AGMAT: variants seen among roughly 807,000 people sequenced by gnomAD.
The protein encoded by AGMAT is guanidino acid hydrolase, mitochondrial.
In AGMAT, 37 loss-of-function variants were observed where a neutral mutation model predicts 29.3. The observed-to-expected ratio is 1.26, with a 90% CI of 0.97 to 1.66. AGMAT has a LOEUF of 1.66. AGMAT is among the 40% of genes most tolerant of loss of function. The pLI, the probability that AGMAT is intolerant of heterozygous loss-of-function variation, is 0.00. For synonymous variants in AGMAT, 199 were observed against 200.8 expected (o/e 0.99, Z 0.08); for missense variants, 498 against 497.8 (o/e 1.00, Z 0.00).
In AGMAT at chr1:15,574,070, C is replaced by T. The variant is rs139938932; in HGVS notation, c.986-346G>A. Among the ~76,000 whole-genome samples, 175 of 152,220 alleles carry T rather than the reference C, an allele frequency of 1.1e-3. No homozygotes were observed. The Middle Eastern group carries it at 0.014, about 12-fold the overall frequency. ...GTCTACATTAAAATTATTGGGATGG[C>T]GTCTGCTTTGAAGATCTTAACCAGC... On this transcript the variant is annotated intron_variant, in intron 6 of 6. Transcript: ENST00000375826.
At chr1:15,576,301 C>G (rs534326946) in intron 5 of AGMAT, among the ~76,000 whole-genome samples, 1 of 151,794 alleles carries the variant, frequency 6.6e-6, no homozygotes, top group East Asian at 1.9e-4. Context: ...GGGGTTTCTC[C>G]ATGTTAGGCT....
intron 5 of AGMAT, chr1:15,576,115 G>A (rs1553150140): frequency 6.6e-6 from 1 of 152,048 alleles, no homozygotes; most frequent in Non-Finnish European, 1.5e-5. Flanking sequence ...GTTTTTGTTT[G>A]TTTTGAGATG....
chr1:15,583,167 C>T, intron 2 of AGMAT, 26 bp downstream of exon 2: 1 of 1,611,530 alleles, frequency 6.2e-7, no homozygotes. Flanking sequence ...CAGGGAACTA[C>T]TCTGGCTCTT....
intron 1 of AGMAT, among the ~76,000 whole-genome samples, chr1:15,584,058 G>T (rs74054785): frequency 0.15 from 22,951 of 152,186 alleles, 2,693 homozygotes; most frequent in African/African-American, 0.33. Flanking sequence ...TGTAAGCTGG[G>T]GAGAGGAGAG....
intron 5 of AGMAT, 172 bp from the exon 6 acceptor site, chr1:15,575,013 C>T (rs910225360): frequency 2.3e-5 from 13 of 556,756 alleles, no homozygotes; most frequent in Non-Finnish European, 3.3e-5. Context: ...ACAGATAATG[C>T]GTACACAGTC....
Position 15,583,373 on chromosome 1 carries a change from C to A in AGMAT, c.295G>T (p.Glu99Ter). The stretch of plus-strand genomic sequence containing the variant: ...ACTGTCCCAAGCATCACTGATTCTT[C>A]CCGGATGCGGCGAGGTCCGAATCTG... ...GARFGPRRIR[E>*]ESVMLGTVNP... The change falls in exon 2 of 7, where the codon GAA (glutamate) becomes TAA (stop). Residue 99 changes from glutamate (E) to a stop codon, truncating the protein, a stop_gained. Transcript: ENST00000375826. LOFTEE classifies it high-confidence loss of function. The A allele has an allele frequency of 6.2e-7, 1 of 1,613,912 alleles. No homozygotes were observed.
At chr1:15,576,740 C>CTTTTT (rs59203066) in intron 5 of AGMAT, among the ~76,000 whole-genome samples, 381 of 35,776 alleles carry the variant, frequency 0.011, 78 homozygotes, top group Non-Finnish European at 0.014. Context: ...GTTTAGTGTT[C>CTTTTT]TTTTTTTTTT....
chr1:15,573,806 C>T, intron 6 of AGMAT, 82 bp from the exon 7 acceptor site: 1 of 1,228,492 alleles, frequency 8.1e-7, no homozygotes, highest in Non-Finnish European at 1.2e-6. Flanking sequence ...CTTTCTCTTC[C>T]CCTTGTGCCT....
chr1:15,580,977 A>AAAAAT (rs560258515), intron 2 of AGMAT, among the ~76,000 whole-genome samples: 1,716 of 152,186 alleles, frequency 0.011, 36 homozygotes, highest in African/African-American at 0.038. Context: ...CTCCATCTCA[A>AAAAAT]AAAATAAAAT....
At position 15,572,320 on chromosome 1, in the gene AGMAT, G is replaced by A. The variant is rs1638965030; in HGVS notation, c.*1331C>T. ...AGGTGATCCTCCCGCCTAGGCCTGG[G>A]ATTACAGGCGTGAGCCACTGGGTCC... is the stretch of plus-strand genomic sequence containing the variant. On this transcript the variant is annotated 3_prime_UTR_variant, in exon 7 of 7. Transcript: ENST00000375826. The A allele has an allele frequency of 7.2e-6, 1 of 138,742 alleles. No individual in the cohort carries two copies. Among genetic ancestry groups the A allele is most frequent in the Admixed American group, 7.3e-5 (1 of 13,682 alleles). 8.6% of individuals were successfully genotyped at this position (138,742 alleles called of 1,614,324 possible).
rs147805030 is a variant in AGMAT at position 15,578,987 on chromosome 1, T to G, written c.592A>C (p.Lys198Gln). The G allele has an allele frequency of 5.8e-4, 941 of 1,613,940 alleles. No individual in the cohort carries two copies. Among genetic ancestry groups the G allele is most frequent in the Non-Finnish European group, 7.0e-4 (829 of 1,179,998 alleles). Reference protein sequence around the residue: ...TDTTDKALGEKLYHGAPFRRC... With the variant: ...TDTTDKALGEQLYHGAPFRRC... ...CGGAAGGGCGCCCCGTGGTAGAGCT[T>G]CTCTCCTAGGGCCTTGTCGGTCGTG... The change falls in exon 4 of 7, where the codon AAG becomes CAG. Residue 198 changes from lysine (K) to glutamine (Q), a missense_variant. By Grantham distance (53) the Lys-to-Gln change is moderately conservative. Transcript: ENST00000375826.
intron 1 of AGMAT, 24 bp downstream of exon 1, chr1:15,584,672 C>T (rs1639160847): frequency 7.7e-7 from 1 of 1,296,842 alleles, no homozygotes; most frequent in Non-Finnish European, 9.8e-7. Flanking sequence ...CACGTGTACC[C>T]GGCCCCCGTC....
intron 2 of AGMAT, among the ~76,000 whole-genome samples, chr1:15,582,137 C>T (rs1436043908): frequency 4.8e-5 from 7 of 146,618 alleles, no homozygotes; most frequent in African/African-American, 1.6e-4. Flanking sequence ...GGCATGCTGG[C>T]GGGCGCCTAT....
intron 6 of AGMAT, 34 bp downstream of exon 6, chr1:15,574,723 C>A: frequency 1.3e-6 from 2 of 1,570,554 alleles, no homozygotes; most frequent in South Asian, 2.2e-5. Flanking sequence ...AAGCTACCGG[C>A]TGCCCATGGA....
At position 15,583,175 on chromosome 1, in the gene AGMAT, C is replaced by T. The variant is rs1166369688; in HGVS notation, c.475+18G>A. On this transcript the variant is annotated intron_variant, in intron 2 of 6. Transcript: ENST00000375826. ...CTGAGTGCAGGGAACTACTCTGGCTCTTGCAGACTGACATTACCCAAGGTC... is the reference window on the plus strand; with the variant it reads ...CTGAGTGCAGGGAACTACTCTGGCTTTTGCAGACTGACATTACCCAAGGTC... 7 of 1,613,158 alleles carry T rather than the reference C, an allele frequency of 4.3e-6. No homozygotes were observed. The highest frequency in any genetic ancestry group is 5.9e-6 in the Non-Finnish European group (7 of 1,179,628).
Position 15,576,740 on chromosome 1 carries a change from C to CTTTTTT in AGMAT, c.900+939_900+944dup, listed in dbSNP as rs59203066. Among the ~76,000 whole-genome samples the CTTTTTT allele has an allele frequency of 2.2e-3, 79 of 35,798 alleles. 14 individuals carry two copies. Among genetic ancestry groups the CTTTTTT allele is most frequent in the African/African-American group, 3.0e-3 (31 of 10,348 alleles). 23.5% of individuals were successfully genotyped at this position (35,798 alleles called of 152,430 possible). On this transcript the variant is annotated intron_variant, in intron 5 of 6. Transcript: ENST00000375826. ...ACGACACCTGGCCAAGTTTAGTGTT[C>CTTTTTT]TTTTTTTTTTTTTTTTTTTTTTTTT...
chr1:15,584,659 C>CT, intron 1 of AGMAT, 37 bp downstream of exon 1: 1 of 1,283,772 alleles, frequency 7.8e-7, no homozygotes, highest in Non-Finnish European at 9.9e-7. Flanking sequence ...CAAGCAGTCC[C>CT]TCCACGTGTA....
intron 2 of AGMAT, among the ~76,000 whole-genome samples, chr1:15,580,757 C>T (rs555922768): frequency 2.0e-5 from 3 of 151,888 alleles, no homozygotes; most frequent in Non-Finnish European, 4.4e-5. Context: ...GGGCAGGTCA[C>T]CTGATGTTGG....
Position 15,584,874 on chromosome 1 carries a change from G to GGCGGC in AGMAT, c.89_93dup (p.Gln32AlafsTer30). 7.1e-7 allele frequency: 1 copy of GGCGGC among 1,410,356 alleles called. No homozygotes were observed. The highest frequency in any genetic ancestry group is 9.2e-7 in the Non-Finnish European group (1 of 1,088,398). 87.4% of individuals were successfully genotyped at this position (1,410,356 alleles called of 1,614,324 possible). ...GGCGCGTCGGAAGCCTGGCGGCTCT[G>GGCGGC]GCGGCGCCCCGGATGAAAGAGCCCT... On this transcript the variant is annotated frameshift_variant, in exon 1 of 7. Coordinates refer to ENST00000375826, the MANE Select transcript of AGMAT (RefSeq NM_024758.5). LOFTEE classifies it high-confidence loss of function.
Sources: gnomAD v4.1 joint callset for allele counts (sites outside exome capture counted in the v4.1 genomes callset) on GRCh38, gnomAD v4.1.1 for gene constraint, MANE v1.5 for transcripts, NCBI Gene and HGNC (gene_info 2026-07-23, HGNC 2026-07-21) for gene names.